ZNF365: variants seen among roughly 807,000 people sequenced by gnomAD.
ZNF365 encodes the protein zinc finger protein 365, also known as protein ZNF365.
ZNF365 carries 22 observed loss-of-function variants against 35.0 expected under a neutral mutation model. The observed-to-expected ratio is 0.63, with a 90% confidence interval of 0.45 to 0.90. The LOEUF (loss-of-function observed/expected upper bound fraction) is 0.90. Ranked by LOEUF, ZNF365 falls within the 40% of genes least tolerant of loss-of-function variation. The probability of loss-of-function intolerance (pLI) is 0.00; values close to 1 mark genes in which losing one functional copy is unlikely to be tolerated. For missense variants in ZNF365, 448 were observed against 500.3 expected (o/e 0.90, Z 1.00); for synonymous variants, 188 against 196.2 (o/e 0.96, Z 0.35).
intron 3 of ZNF365, among the ~76,000 whole-genome samples, chr10:62,395,010 G>C (rs1015665901): frequency 6.6e-6 from 1 of 152,154 alleles, no homozygotes; most frequent in South Asian, 2.1e-4. Context: ...AAGCAAGAGG[G>C]AGAGAGTGGG....
rs917584167 is a variant in ZNF365 at position 62,382,303 on chromosome 10, G to A, written c.743+5367G>A. Among the ~76,000 whole-genome samples the A allele has an allele frequency of 8.5e-5, 13 of 152,262 alleles. No homozygotes were observed. In the East Asian group the frequency reaches 2.5e-3, roughly 29 times the overall value. Reference sequence around the variant, plus strand: ...AAGCAGGCCAAGAAAAAATCACATTGGATATAGAGGTCAGCGGGGTGGAGA... The same window carrying A: ...AAGCAGGCCAAGAAAAAATCACATTAGATATAGAGGTCAGCGGGGTGGAGA... On this transcript the variant is annotated intron_variant, in intron 2 of 4. Coordinates refer to ENST00000395254, the MANE Select transcript of ZNF365 (RefSeq NM_014951.3).
chr10:62,444,545 T>C (rs1012972965), intron 3 of ZNF365, among the ~76,000 whole-genome samples: 7 of 152,132 alleles, frequency 4.6e-5, no homozygotes, highest in Non-Finnish European at 1.0e-4. Flanking sequence ...GTTGCTAGTC[T>C]CTGGATGCAT....
intron 3 of ZNF365, among the ~76,000 whole-genome samples, chr10:62,418,206 G>A (rs1472796127): frequency 6.6e-6 from 1 of 151,738 alleles, no homozygotes; most frequent in East Asian, 1.9e-4. Context: ...TCTCAACCCT[G>A]GTCAATATTT....
intron 3 of ZNF365, among the ~76,000 whole-genome samples, chr10:62,430,318 C>T (rs1442382544): frequency 2.2e-5 from 3 of 137,410 alleles, no homozygotes; most frequent in Non-Finnish European, 4.6e-5. Flanking sequence ...GTAGCTGGGA[C>T]TACAGGTGCC....
At chr10:62,378,845 T>C (rs1486841759) in intron 2 of ZNF365, among the ~76,000 whole-genome samples, 1 of 152,200 alleles carries the variant, frequency 6.6e-6, no homozygotes, top group African/African-American at 2.4e-5. Context: ...ACTACTCTTT[T>C]TGACTGTTGT....
chr10:62,427,308 A>G (rs1840265202), intron 3 of ZNF365, among the ~76,000 whole-genome samples: 1 of 152,174 alleles, frequency 6.6e-6, no homozygotes, highest in Non-Finnish European at 1.5e-5. Context: ...GTATGTTTAG[A>G]TACACAAATA....
At chr10:62,443,098 G>A (rs1020037539) in intron 3 of ZNF365, among the ~76,000 whole-genome samples, 7 of 152,200 alleles carry the variant, frequency 4.6e-5, no homozygotes, top group Non-Finnish European at 7.3e-5. Flanking sequence ...AGCTACAGTG[G>A]CAGTTTTTAC....
chr10:62,413,508 C>T (rs1402339879), intron 3 of ZNF365, among the ~76,000 whole-genome samples: 5 of 152,100 alleles, frequency 3.3e-5, no homozygotes, highest in Admixed American at 6.6e-5. Flanking sequence ...TCACTGAGCA[C>T]CCCTCTGTCT....
At chr10:62,477,288 G>A (rs942383056) in intron 4 of ZNF365, among the ~76,000 whole-genome samples, 3 of 152,154 alleles carry the variant, frequency 2.0e-5, no homozygotes, top group South Asian at 2.1e-4. Flanking sequence ...CATCTTAGAG[G>A]TATCCTGGTG....
At chr10:62,386,629 C>T (rs1047741468) in intron 2 of ZNF365, among the ~76,000 whole-genome samples, 2 of 152,068 alleles carry the variant, frequency 1.3e-5, no homozygotes, top group African/African-American at 4.8e-5. Context: ...CCATGTGTGG[C>T]GTAATGTATT....
intron 3 of ZNF365, among the ~76,000 whole-genome samples, chr10:62,410,611 G>A (rs1839971437): frequency 6.6e-6 from 1 of 152,104 alleles, no homozygotes; most frequent in Non-Finnish European, 1.5e-5. Context: ...GTGAGAACAT[G>A]TGGTGTTTGG....
chr10:62,399,493 A>G (rs1205921216), intron 4 of ZNF365, 35 bp from the exon 5 acceptor site: 3 of 1,601,038 alleles, frequency 1.9e-6, no homozygotes, highest in East Asian at 2.2e-5. Context: ...CTTTCTGCTC[A>G]TCTCTTCTCC....
rs546376706 is a variant in ZNF365 at position 62,378,170 on chromosome 10, T to G, written c.743+1234T>G. On this transcript the variant is annotated intron_variant, in intron 2 of 4. Coordinates refer to ENST00000395254, the MANE Select transcript of ZNF365 (RefSeq NM_014951.3). ...TGTTTCCCTTTTGGTTTCTGGTGTT[T>G]CCTGGTGGGAAGTTAGTGTCTAGAC... is the stretch of plus-strand genomic sequence containing the variant. Among the ~76,000 whole-genome samples the G allele has an allele frequency of 9.8e-5, 15 of 152,326 alleles. No homozygotes were observed. The East Asian group carries it at 2.9e-3, about 29-fold the overall frequency.
At chr10:62,388,785 G>A (rs1186493151) in intron 3 of ZNF365, among the ~76,000 whole-genome samples, 1 of 152,152 alleles carries the variant, frequency 6.6e-6, no homozygotes, top group Non-Finnish European at 1.5e-5. Flanking sequence ...GCCGTTTTCA[G>A]TCGCTCTTCA....
chr10:62,388,260 A>G, intron 2 of ZNF365, 136 bp from the exon 3 acceptor site: 3 of 823,976 alleles, frequency 3.6e-6, no homozygotes, highest in East Asian at 5.3e-5. Flanking sequence ...AGAGGTGATT[A>G]CCTCTCTCGT....
intron 2 of ZNF365, among the ~76,000 whole-genome samples, chr10:62,380,602 T>C (rs1347643948): frequency 6.6e-6 from 1 of 152,234 alleles, no homozygotes; most frequent in Non-Finnish European, 1.5e-5. Context: ...ACTTTTGTAC[T>C]GGTCAGTCTC....
chr10:62,479,434 A>G (rs1213461332), intron 4 of ZNF365, among the ~76,000 whole-genome samples: 1 of 152,240 alleles, frequency 6.6e-6, no homozygotes, highest in African/African-American at 2.4e-5. Context: ...GGAAGATAAA[A>G]AGTGGTGTGT....
At chr10:62,449,781 G>A (rs768532411) in intron 3 of ZNF365, among the ~76,000 whole-genome samples, 4 of 149,094 alleles carry the variant, frequency 2.7e-5, no homozygotes, top group Non-Finnish European at 4.4e-5. Flanking sequence ...TTCCCAGTTG[G>A]TCAACTTTTT....
Position 62,402,352 on chromosome 10 carries a change from G to A in ZNF365, c.*2563G>A, listed in dbSNP as rs894619923. Reference sequence around the variant, plus strand: ...GACATTGTTTTCCAGTATTCTGCAGGGCCAGTCAGTTGTACAGAAGTTGGA... The same window carrying A: ...GACATTGTTTTCCAGTATTCTGCAGAGCCAGTCAGTTGTACAGAAGTTGGA... On this transcript the variant is annotated 3_prime_UTR_variant, in exon 5 of 5. Transcript: ENST00000395254. The A allele has an allele frequency of 1.6e-5, 16 of 985,336 alleles. No homozygotes were observed. The highest frequency in any genetic ancestry group is 1.7e-5 in the Non-Finnish European group (14 of 829,932). The allele number at this position is 985,336 out of a possible 1,614,324, so 61.0% of individuals were successfully genotyped here.
Sources: gnomAD v4.1 joint callset for allele counts (sites outside exome capture counted in the v4.1 genomes callset) on GRCh38, gnomAD v4.1.1 for gene constraint, MANE v1.5 for transcripts, NCBI Gene and HGNC (gene_info 2026-07-23, HGNC 2026-07-21) for gene names.